ZNF385D: variants seen among roughly 807,000 people sequenced by gnomAD.
ZNF385D encodes zinc finger protein 659.
Under a neutral mutation model 35.8 loss-of-function variants are expected in ZNF385D, and 15 were observed. That is an observed-to-expected ratio of 0.42 (90% CI 0.28 to 0.64). ZNF385D has a LOEUF of 0.64. Among genes scored for constraint, ZNF385D ranks in the 30% least tolerant of loss-of-function variants. The probability of loss-of-function intolerance (pLI) is 0.23; values close to 1 mark genes in which losing one functional copy is unlikely to be tolerated. For synonymous variants in ZNF385D, 212 were observed against 186.8 expected (o/e 1.13, Z -1.10); for missense variants, 474 against 494.6 (o/e 0.96, Z 0.39).
intron 2 of ZNF385D, among the ~76,000 whole-genome samples, chr3:22,237,381 TTG>T (rs1361160884): frequency 4.6e-5 from 7 of 152,216 alleles, no homozygotes; most frequent in African/African-American, 1.2e-4. Flanking sequence ...TATTATTGGG[TTG>T]TGTTATTTTT....
At chr3:22,152,175 G>A (rs1705281571) in intron 3 of ZNF385D, among the ~76,000 whole-genome samples, 1 of 152,116 alleles carries the variant, frequency 6.6e-6, no homozygotes, top group East Asian at 1.9e-4. Context: ...TCTTGCAAAT[G>A]ATATGATCTC....
chr3:22,262,686 C>A (rs940221975), intron 2 of ZNF385D, among the ~76,000 whole-genome samples: 13 of 151,852 alleles, frequency 8.6e-5, no homozygotes, highest in South Asian at 2.1e-4. Context: ...GATTTCTGAG[C>A]CCCAGTTTTC....
intron 2 of ZNF385D, among the ~76,000 whole-genome samples, chr3:22,314,794 C>T (rs1575102293): frequency 1.3e-5 from 2 of 152,122 alleles, no homozygotes; most frequent in African/African-American, 4.8e-5. Context: ...TTATACCAAA[C>T]ATCCTGGTCA....
At chr3:21,616,874 G>C (rs568197450) in intron 2 of ZNF385D, among the ~76,000 whole-genome samples, 1 of 152,252 alleles carries the variant, frequency 6.6e-6, no homozygotes, top group Non-Finnish European at 1.5e-5. Flanking sequence ...TGTGTGTATT[G>C]TCATCACTTA....
At chr3:22,269,567 G>C (rs1212470972) in intron 2 of ZNF385D, among the ~76,000 whole-genome samples, 1 of 151,936 alleles carries the variant, frequency 6.6e-6, no homozygotes, top group Non-Finnish European at 1.5e-5. Flanking sequence ...ATGGAGGAGA[G>C]AGCACTGGCA....
At chr3:22,267,726 G>A (rs1700967836) in intron 2 of ZNF385D, among the ~76,000 whole-genome samples, 1 of 151,942 alleles carries the variant, frequency 6.6e-6, no homozygotes, top group Middle Eastern at 3.4e-3. Context: ...TTAGAATGAT[G>A]CGTATACAAT....
At chr3:21,845,549 C>G (rs1418817384) in intron 3 of ZNF385D, among the ~76,000 whole-genome samples, 1 of 151,788 alleles carries the variant, frequency 6.6e-6, no homozygotes, top group East Asian at 1.9e-4. Context: ...CTGAACAAAC[C>G]ACACCAGTTT....
In ZNF385D at chr3:22,265,135, G is replaced by A. The variant is rs150275340; in HGVS notation, c.107-96100C>T. Among the ~76,000 whole-genome samples the A allele has an allele frequency of 6.3e-3, 956 of 152,000 alleles. 11 individuals carry two copies. The highest frequency in any genetic ancestry group is 6.1e-3 in the Non-Finnish European group (416 of 67,940). ...GTACTCAAGGAGTTTACAAACTAGT[G>A]AAGAAAACAAGCATTAAAAAATATA... is the stretch of plus-strand genomic sequence containing the variant. On this transcript the variant is annotated intron_variant, in intron 2 of 5. Transcript: ENST00000494108.
intron 2 of ZNF385D, among the ~76,000 whole-genome samples, chr3:22,223,628 T>TA (rs1287250576): frequency 4.6e-5 from 7 of 152,158 alleles, no homozygotes; most frequent in African/African-American, 1.7e-4. Flanking sequence ...ATTAAAAGCA[T>TA]ACTATGCACC....
chr3:22,307,927 CT>C (rs2125422767), intron 2 of ZNF385D, among the ~76,000 whole-genome samples: 1 of 152,078 alleles, frequency 6.6e-6, no homozygotes, highest in South Asian at 2.1e-4. Context: ...AAATGAGGCA[CT>C]TTAAAATCAA....
Position 22,291,267 on chromosome 3 carries a change from A to G in ZNF385D, c.106+81183T>C, listed in dbSNP as rs560780358. 2.6e-5 allele frequency among the ~76,000 whole-genome samples: 4 copies of G among 152,278 alleles called. No homozygotes were observed. The South Asian group carries it at 8.3e-4, about 32-fold the overall frequency. On this transcript the variant is annotated intron_variant, in intron 2 of 5. Transcript: ENST00000494108. ...AAAAATAATGGAAACTTTCCTTGTG[A>G]TTATGTTAAACATATATATTTATTG...
At chr3:21,931,480 T>C (rs1016498240) in intron 3 of ZNF385D, among the ~76,000 whole-genome samples, 1 of 152,192 alleles carries the variant, frequency 6.6e-6, no homozygotes, top group African/African-American at 2.4e-5. Context: ...CACACAAAAA[T>C]GTATTATTTA....
At chr3:22,089,195 C>T (rs986716876) in intron 3 of ZNF385D, among the ~76,000 whole-genome samples, 2 of 152,122 alleles carry the variant, frequency 1.3e-5, no homozygotes, top group African/African-American at 2.4e-5. Context: ...TGTCTGTAAA[C>T]TGTTTACCAT....
intron 2 of ZNF385D, among the ~76,000 whole-genome samples, chr3:21,642,690 A>G (rs2065642073): frequency 3.3e-5 from 5 of 152,174 alleles, no homozygotes; most frequent in Admixed American, 3.3e-4. Context: ...TCAAAAAAGC[A>G]TAAATGGCCC....
chr3:21,699,432 A>C (rs949207566), intron 1 of ZNF385D, among the ~76,000 whole-genome samples: 13 of 152,116 alleles, frequency 8.5e-5, no homozygotes, highest in African/African-American at 3.1e-4. Flanking sequence ...GCAAGTGTAT[A>C]CCTATGTAAC....
intron 2 of ZNF385D, among the ~76,000 whole-genome samples, chr3:22,369,944 C>T (rs1380707974): frequency 6.6e-6 from 1 of 152,084 alleles, no homozygotes; most frequent in East Asian, 1.9e-4. Context: ...ATGAGAAATG[C>T]AACATTTTAA....
chr3:21,536,052 A>C (rs1350772653), intron 3 of ZNF385D, among the ~76,000 whole-genome samples: 2 of 120,950 alleles, frequency 1.7e-5, no homozygotes, highest in Non-Finnish European at 3.6e-5. Context: ...ATATTTTACA[A>C]GGTTAGGCAC....
chr3:22,012,372 C>A (rs986548494), intron 3 of ZNF385D, among the ~76,000 whole-genome samples: 1 of 152,068 alleles, frequency 6.6e-6, no homozygotes, highest in Non-Finnish European at 1.5e-5. Flanking sequence ...TAACTATATA[C>A]CACAAATGTG....
chr3:21,781,438 G>C (rs2071484539), intron 3 of ZNF385D, among the ~76,000 whole-genome samples: 1 of 151,974 alleles, frequency 6.6e-6, no homozygotes, highest in Non-Finnish European at 1.5e-5. Context: ...ATCTGGCACA[G>C]CAAACATTAA....
Sources: allele counts gnomAD v4.1 joint callset (sites outside exome capture counted in the v4.1 genomes callset), GRCh38; gene constraint gnomAD v4.1.1; transcripts MANE v1.5; gene names NCBI Gene and HGNC (gene_info 2026-07-23, HGNC 2026-07-21).